The following NELL1 variants were observed in gnomAD, a reference collection of about 807,000 sequenced individuals.
The protein encoded by NELL1 is neural EGFL like 1, also known as protein kinase C-binding protein NELL1.
NELL1 carries 76 observed loss-of-function variants against 107.4 expected under a neutral mutation model. The ratio of observed to expected loss-of-function variants is 0.71; its 90% CI spans 0.59 to 0.86. The LOEUF is 0.86. Ranked by LOEUF, NELL1 falls within the 40% of genes least tolerant of loss-of-function variation. NELL1 has a pLI of 0.00. For synonymous variants in NELL1, 353 were observed against 341.2 expected (o/e 1.03, Z -0.38); for missense variants, 1,024 against 1,005.5 (o/e 1.02, Z -0.25).
intron 14 of NELL1, among the ~76,000 whole-genome samples, chr11:21,339,817 C>T (rs1850520935): frequency 6.6e-6 from 1 of 152,198 alleles, no homozygotes; most frequent in Non-Finnish European, 1.5e-5. Context: ...GCAGAAGCTG[C>T]AGCAGTTTCC....
At chr11:21,541,233 T>G (rs2133978718) in intron 16 of NELL1, among the ~76,000 whole-genome samples, 2 of 152,268 alleles carry the variant, frequency 1.3e-5, no homozygotes, top group East Asian at 3.9e-4. Context: ...TGAATACCTG[T>G]TGGCCTTCCA....
At chr11:20,985,994 T>C (rs11025860) in intron 12 of NELL1, among the ~76,000 whole-genome samples, 19,937 of 152,206 alleles carry the variant, frequency 0.13, 1,513 homozygotes, top group East Asian at 0.26. Flanking sequence ...GTCTTCGCAA[T>C]GAAGAAGTTA....
At chr11:21,233,435 C>T (rs1344860851) in intron 14 of NELL1, among the ~76,000 whole-genome samples, 2 of 151,670 alleles carry the variant, frequency 1.3e-5, no homozygotes, top group African/African-American at 2.4e-5. Context: ...TTTTTATTTC[C>T]TCCTCCTCTC....
intron 10 of NELL1, among the ~76,000 whole-genome samples, chr11:20,938,940 C>CTCTCTGTG (rs1216133538): frequency 7.0e-5 from 4 of 57,298 alleles, no homozygotes; most frequent in Admixed American, 6.1e-4. Context: ...CTCTCTCTCT[C>CTCTCTGTG]TGTGTGTGTG....
chr11:21,484,106 GAACTTAAGGAT>G (rs1205390332), intron 15 of NELL1, among the ~76,000 whole-genome samples: 1 of 145,394 alleles, frequency 6.9e-6, no homozygotes, highest in African/African-American at 2.5e-5. Flanking sequence ...TTGAGTAGCG[GAACTTAAGGAT>G]AATTTTTTTC....
chr11:21,227,076 T>A (rs559769457), intron 13 of NELL1, among the ~76,000 whole-genome samples: 6 of 152,348 alleles, frequency 3.9e-5, no homozygotes, highest in African/African-American at 1.4e-4. Flanking sequence ...GAACCATACC[T>A]TTCTCCATAC....
chr11:20,898,180 A>C (rs1290231330), intron 5 of NELL1, among the ~76,000 whole-genome samples: 1 of 152,218 alleles, frequency 6.6e-6, no homozygotes, highest in African/African-American at 2.4e-5. Flanking sequence ...CAAATGTCCA[A>C]CAATGATAGA....
intron 18 of NELL1, among the ~76,000 whole-genome samples, chr11:21,571,324 A>G (rs2134014011): frequency 6.6e-6 from 1 of 151,980 alleles, no homozygotes; most frequent in South Asian, 2.1e-4. Flanking sequence ...AGAGGTAACA[A>G]AACATAGTAG....
intron 15 of NELL1, among the ~76,000 whole-genome samples, chr11:21,498,346 T>C (rs12295402): frequency 9.4e-4 from 71 of 75,750 alleles, no homozygotes; most frequent in Admixed American, 1.3e-3. Context: ...TATATATATA[T>C]ACATATATAT....
intron 15 of NELL1, among the ~76,000 whole-genome samples, chr11:21,431,807 C>T (rs1207603013): frequency 6.6e-6 from 1 of 152,122 alleles, no homozygotes; most frequent in Non-Finnish European, 1.5e-5. Context: ...TTATGCTCAA[C>T]TCTGTTGTGC....
At chr11:21,331,317 A>G (rs1178943777) in intron 14 of NELL1, among the ~76,000 whole-genome samples, 1 of 151,904 alleles carries the variant, frequency 6.6e-6, no homozygotes, top group Non-Finnish European at 1.5e-5. Context: ...GGCATTTTAG[A>G]TAATATAATG....
At chr11:21,091,819 T>A (rs1854528357) in intron 12 of NELL1, among the ~76,000 whole-genome samples, 2 of 152,206 alleles carry the variant, frequency 1.3e-5, no homozygotes, top group African/African-American at 2.4e-5. Context: ...GACAATATAA[T>A]TGAACTTTAC....
chr11:21,266,469 A>G (rs76442391), intron 14 of NELL1, among the ~76,000 whole-genome samples: 2,457 of 152,206 alleles, frequency 0.016, 81 homozygotes, highest in African/African-American at 0.056. Context: ...ACGTGGGCCC[A>G]TGAAGCTTAT....
rs577755692 is a variant in NELL1, at chr11:21,109,087, G to A, written c.1301-4502G>A. 3.9e-5 allele frequency among the ~76,000 whole-genome samples: 6 copies of A among 152,174 alleles called. No homozygotes were observed. The South Asian group carries it at 1.2e-3, about 32-fold the overall frequency. On this transcript the variant is annotated intron_variant, in intron 12 of 19. Coordinates refer to ENST00000357134, the MANE Select transcript of NELL1 (RefSeq NM_006157.5). ...TTACTGATTTTGTACTTGGGCAAGT[G>A]AAGTCACCTGATAACCTCCGAGCCT...
chr11:20,730,126 G>A (rs534570974), intron 2 of NELL1, among the ~76,000 whole-genome samples: 21 of 152,280 alleles, frequency 1.4e-4, no homozygotes, highest in African/African-American at 4.6e-4. Flanking sequence ...TACCATGTAG[G>A]AACTGTGAAT....
chr11:20,873,389 T>G (rs2134090672), intron 4 of NELL1, among the ~76,000 whole-genome samples: 1 of 152,342 alleles, frequency 6.6e-6, no homozygotes, highest in South Asian at 2.1e-4. Flanking sequence ...GCCAAGTGGC[T>G]TCAATGAGGT....
intron 14 of NELL1, among the ~76,000 whole-genome samples, chr11:21,334,360 G>GT (rs1299609567): frequency 6.6e-6 from 1 of 151,836 alleles, no homozygotes; most frequent in Non-Finnish European, 1.5e-5. Flanking sequence ...TGCCTTGTTG[G>GT]TAAGTTTTAA....
intron 7 of NELL1, among the ~76,000 whole-genome samples, chr11:20,921,999 G>T (rs932989434): frequency 6.6e-6 from 1 of 152,090 alleles, no homozygotes; most frequent in Non-Finnish European, 1.5e-5. Flanking sequence ...TTTCAAGGAA[G>T]ATTTTTTTTT....
chr11:21,112,221 A>G (rs1431199832), intron 12 of NELL1, among the ~76,000 whole-genome samples: 1 of 152,032 alleles, frequency 6.6e-6, no homozygotes, highest in Non-Finnish European at 1.5e-5. Context: ...TTAGATCTCA[A>G]TGACCTCGCA....
Sources: allele counts gnomAD v4.1 joint callset (sites outside exome capture counted in the v4.1 genomes callset), GRCh38; gene constraint gnomAD v4.1.1; transcripts MANE v1.5; gene names NCBI Gene and HGNC (gene_info 2026-07-23, HGNC 2026-07-21).